DAB1: variants seen among roughly 807,000 people sequenced by gnomAD.
DAB1 encodes the protein disabled homolog 1.
DAB1 carries 15 observed loss-of-function variants against 64.6 expected under a neutral mutation model. That is an observed-to-expected ratio of 0.23 (90% CI 0.16 to 0.36). The LOEUF (loss-of-function observed/expected upper bound fraction) is 0.36. Ranked by LOEUF, DAB1 falls within the 10% of genes least tolerant of loss-of-function variation. The pLI is 1.00. For missense variants in DAB1, 596 were observed against 706.7 expected, an observed-to-expected ratio of 0.84 and a Z score of 1.78; for synonymous variants, 235 against 251.9, an observed-to-expected ratio of 0.93 and a Z score of 0.64.
At chr1:57,278,331 G>A (rs537859305) in intron 2 of DAB1, among the ~76,000 whole-genome samples, 117 of 152,256 alleles carry the variant, frequency 7.7e-4, no homozygotes, top group African/African-American at 2.8e-3. Context: ...CTGGCATTTA[G>A]TAGTCACATC....
chr1:57,963,620 C>A (rs142692824), intron 5 of DAB1, among the ~76,000 whole-genome samples: 301 of 152,234 alleles, frequency 2.0e-3, no homozygotes, highest in African/African-American at 7.0e-3. Context: ...TTGAGCTGAT[C>A]ATTTCTCTCA....
chr1:58,513,351 T>C (rs1211677678), intron 2 of DAB1, among the ~76,000 whole-genome samples: 2 of 152,220 alleles, frequency 1.3e-5, no homozygotes, highest in Admixed American at 1.3e-4. Context: ...CTTTCCTTTA[T>C]AAATTACCCA....
At chr1:57,165,602 T>C (rs1207089500) in intron 2 of DAB1, among the ~76,000 whole-genome samples, 7 of 152,216 alleles carry the variant, frequency 4.6e-5, no homozygotes. Context: ...TTCACATACA[T>C]TACTTTTCAT....
At chr1:58,453,430 G>A (rs527883786) in intron 3 of DAB1, among the ~76,000 whole-genome samples, 5 of 152,240 alleles carry the variant, frequency 3.3e-5, no homozygotes, top group South Asian at 4.2e-4. Context: ...ATTCCTACTC[G>A]CGAGTCTTTG....
intron 5 of DAB1, among the ~76,000 whole-genome samples, chr1:58,132,851 C>A (rs545645663): frequency 6.6e-6 from 1 of 152,230 alleles, no homozygotes; most frequent in East Asian, 1.9e-4. Context: ...GATAACAGCA[C>A]AATTAAAGTG....
chr1:57,987,221 G>C (rs1187993), intron 5 of DAB1, among the ~76,000 whole-genome samples: 133,522 of 152,206 alleles, frequency 0.88, 58,871 homozygotes, highest in Middle Eastern at 0.94. Flanking sequence ...AATGGGAACT[G>C]CAGCTCCCTG....
chr1:57,640,531 A>C (rs1005210152), intron 7 of DAB1, among the ~76,000 whole-genome samples: 2 of 152,164 alleles, frequency 1.3e-5, no homozygotes, highest in African/African-American at 4.8e-5. Flanking sequence ...GGGAGCCTTA[A>C]GTTGGATTTT....
At chr1:57,690,634 A>G (rs934233840) in intron 6 of DAB1, among the ~76,000 whole-genome samples, 1 of 152,124 alleles carries the variant, frequency 6.6e-6, no homozygotes, top group Non-Finnish European at 1.5e-5. Flanking sequence ...TAGCAGTGCA[A>G]TAATGGACTA....
intron 5 of DAB1, among the ~76,000 whole-genome samples, chr1:58,121,353 C>T (rs1165390195): frequency 1.3e-5 from 2 of 152,094 alleles, no homozygotes; most frequent in East Asian, 3.9e-4. Context: ...TTTCCTACCT[C>T]CTTCTTCCAA....
In DAB1 at chr1:57,838,626, G is replaced by A. The variant is rs144812320; in HGVS notation, n.88-12171C>T. Among the ~76,000 whole-genome samples the A allele has an allele frequency of 7.0e-4, 106 of 152,278 alleles. 1 individual carries two copies. Among genetic ancestry groups the A allele is most frequent in the African/African-American group, 2.3e-3 (97 of 41,568 alleles). ...GGTGTTGGAGTCTCAATAGCTGACTGTGGCTCTGCCATTAACCAACCATAC... is the reference window on the plus strand; with the variant it reads ...GGTGTTGGAGTCTCAATAGCTGACTATGGCTCTGCCATTAACCAACCATAC... On this transcript the variant is annotated intron_variant and non_coding_transcript_variant, in intron 1 of 1. Transcript: ENST00000477280.
chr1:57,859,634 G>A (rs114191707), intron 1 of DAB1, among the ~76,000 whole-genome samples: 1,867 of 152,176 alleles, frequency 0.012, 37 homozygotes, highest in African/African-American at 0.042. Flanking sequence ...CCTTTGGCTC[G>A]TTCTACCCTT....
intron 5 of DAB1, among the ~76,000 whole-genome samples, chr1:58,104,079 AT>A (rs1411041540): frequency 6.6e-6 from 1 of 152,220 alleles, no homozygotes; most frequent in Admixed American, 6.5e-5. Context: ...TCTAAGAAGG[AT>A]TCTCCAACAG....
chr1:58,168,005 A>G (rs1279846781), intron 4 of DAB1, among the ~76,000 whole-genome samples: 3 of 152,200 alleles, frequency 2.0e-5, no homozygotes, highest in Non-Finnish European at 4.4e-5. Flanking sequence ...CATTTTGGCA[A>G]CCCAGATGGG....
At chr1:58,299,012 A>G (rs985644247) in intron 4 of DAB1, among the ~76,000 whole-genome samples, 2 of 152,202 alleles carry the variant, frequency 1.3e-5, no homozygotes, top group Non-Finnish European at 2.9e-5. Context: ...TTCTGATTTT[A>G]TGTCTAAGGT....
intron 10 of DAB1, 110 bp downstream of exon 10, chr1:57,025,871 T>G (rs1177083963): frequency 2.4e-6 from 2 of 835,048 alleles, no homozygotes; most frequent in Admixed American, 2.8e-5. Context: ...GAGTCAACAC[T>G]GAAATCCACC....
intron 5 of DAB1, among the ~76,000 whole-genome samples, chr1:58,012,700 A>C (rs2100432920): frequency 6.6e-6 from 1 of 152,206 alleles, no homozygotes; most frequent in South Asian, 2.1e-4. Flanking sequence ...CGAGAAGATA[A>C]CCATCTGCAA....
At chr1:58,340,799 C>T (rs1262061427) in intron 4 of DAB1, among the ~76,000 whole-genome samples, 1 of 152,168 alleles carries the variant, frequency 6.6e-6, no homozygotes, top group African/African-American at 2.4e-5. Flanking sequence ...GTCACTTTAT[C>T]CCAAGGCTTA....
intron 3 of DAB1, among the ~76,000 whole-genome samples, chr1:58,404,642 G>C (rs1644599787): frequency 6.6e-6 from 1 of 152,284 alleles, no homozygotes; most frequent in African/African-American, 2.4e-5. Context: ...GATTCAAAGT[G>C]GGAAGCTGTG....
At chr1:57,397,101 G>T (rs572080454) in intron 1 of DAB1, among the ~76,000 whole-genome samples, 2 of 152,280 alleles carry the variant, frequency 1.3e-5, no homozygotes, top group South Asian at 4.1e-4. Context: ...CCATTCCAAT[G>T]TAAGGATCCT....
Sources: gnomAD v4.1 joint callset for allele counts (sites outside exome capture counted in the v4.1 genomes callset) on GRCh38, gnomAD v4.1.1 for gene constraint, MANE v1.5 for transcripts, NCBI Gene and HGNC (gene_info 2026-07-23, HGNC 2026-07-21) for gene names.